The following CECR2 variants were observed in gnomAD, a reference collection of about 807,000 sequenced individuals.
CECR2 encodes the protein chromatin remodeling regulator CECR2.
Under a neutral mutation model 154.5 loss-of-function variants are expected in CECR2, and 30 were observed. That is an observed-to-expected ratio of 0.19 (90% CI 0.15 to 0.26). The LOEUF is 0.26. Among genes scored for constraint, CECR2 ranks in the 10% least tolerant of loss-of-function variants. The pLI is 1.00. For missense variants in CECR2, 1,743 were observed against 1,829.3 expected (o/e 0.95, Z 0.86); for synonymous variants, 725 against 683.7 (o/e 1.06, Z -0.94).
intron 1 of CECR2, among the ~76,000 whole-genome samples, chr22:17,476,934 C>A (rs562031237): frequency 1.6e-4 from 25 of 152,272 alleles, no homozygotes; most frequent in Middle Eastern, 3.4e-3. Context: ...GTTGGAATAC[C>A]GTGTCGAGGC....
intron 2 of CECR2, among the ~76,000 whole-genome samples, chr22:17,482,007 C>T (rs1039125358): frequency 6.8e-6 from 1 of 146,352 alleles, no homozygotes. Flanking sequence ...CCCAGCTACT[C>T]GGGAGACTGA....
rs1035802887 is a variant in CECR2 at position 17,542,344 on chromosome 22, T to G, written c.2201T>G (p.Ile734Ser). The change falls in exon 16 of 19, where the codon ATT becomes AGT. Residue 734 changes from isoleucine (I) to serine (S), a missense_variant. By Grantham distance (142) the Ile-to-Ser change is moderately radical. Transcript: ENST00000262608. ...CCAGCTCAGTTCCAGCCAGGATTCA[T>G]TCCTCCCCGGCATGGGGGGGCTCCA... is the stretch of plus-strand genomic sequence containing the variant. The part of the protein sequence containing the change: ...YAPAQFQPGF[I>S]PPRHGGAPAR... The G allele has an allele frequency of 3.7e-6, 6 of 1,613,708 alleles. No individual in the cohort carries two copies. Among genetic ancestry groups the G allele is most frequent in the Non-Finnish European group, 5.1e-6 (6 of 1,179,740 alleles).
intron 1 of CECR2, among the ~76,000 whole-genome samples, chr22:17,377,604 A>C (rs1478084327): frequency 6.6e-6 from 1 of 152,114 alleles, no homozygotes; most frequent in African/African-American, 2.4e-5. Context: ...TGTCATCAAT[A>C]GCTAGAACTC....
chr22:17,548,203 G>T lies in CECR2; in HGVS notation c.2916G>T (p.Gly972=), dbSNP rs1252717057. 1 of 1,591,054 alleles carries T rather than the reference G, an allele frequency of 6.3e-7. No homozygotes were observed. Among genetic ancestry groups the T allele is most frequent in the Non-Finnish European group, 8.6e-7 (1 of 1,168,818 alleles). Residue 972 remains glycine (G), a synonymous_variant, in exon 17 of 19, where the codon GGG becomes GGT. Coordinates refer to ENST00000262608, the MANE Select transcript of CECR2 (RefSeq NM_001290047.2). ...EKPPGVGTSE[G]VYLTQLPHPT... ...CACCAGGTGTTGGTACTTCAGAGGG[G>T]GTCTACCTCACACAACTACCTCACC... is the stretch of plus-strand genomic sequence containing the variant.
chr22:17,477,453 G>T (rs2055228130), intron 1 of CECR2, 135 bp from the exon 2 acceptor site: 3 of 660,132 alleles, frequency 4.5e-6, no homozygotes, highest in African/African-American at 3.6e-5. Flanking sequence ...AGAAGGAAGG[G>T]CAGAGCTGAT....
chr22:17,397,590 C>T (rs529182943), intron 1 of CECR2, among the ~76,000 whole-genome samples: 9 of 152,038 alleles, frequency 5.9e-5, no homozygotes, highest in Non-Finnish European at 1.2e-4. Flanking sequence ...CTCCGCCTCC[C>T]GGGTTCACCC....
intron 1 of CECR2, among the ~76,000 whole-genome samples, chr22:17,450,737 T>C (rs5747162): frequency 0.3 from 45,291 of 152,174 alleles, 9,600 homozygotes; most frequent in African/African-American, 0.57. Flanking sequence ...AATCCAGTTT[T>C]ATCCATTATC....
At chr22:17,372,798 A>G (rs557171851) in intron 1 of CECR2, among the ~76,000 whole-genome samples, 70 of 152,328 alleles carry the variant, frequency 4.6e-4, no homozygotes, top group African/African-American at 1.4e-3. Context: ...AATAATAGCA[A>G]GTAGTAGAAG....
At chr22:17,441,603 AC>A (rs5844308) in intron 1 of CECR2, among the ~76,000 whole-genome samples, 1 of 151,554 alleles carries the variant, frequency 6.6e-6, no homozygotes, top group Non-Finnish European at 1.5e-5. Context: ...TGTGGACCCC[AC>A]CCCCCGTTAC....
chr22:17,362,493 C>T (rs2062981947), intron 1 of CECR2, among the ~76,000 whole-genome samples: 1 of 152,016 alleles, frequency 6.6e-6, no homozygotes, highest in Non-Finnish European at 1.5e-5. Flanking sequence ...TGTAAATATA[C>T]AATATAGTAT....
chr22:17,481,047 T>A lies in CECR2; in HGVS notation c.221+3365T>A, dbSNP rs1202461224. ...AGAGTGAGACTCCATCTCTTTTTTTTTTAAAAAAAAAAAAGGCCGGGCACG... is the reference window on the plus strand; with the variant it reads ...AGAGTGAGACTCCATCTCTTTTTTTATTAAAAAAAAAAAAGGCCGGGCACG... On this transcript the variant is annotated intron_variant, in intron 2 of 18. Coordinates refer to ENST00000262608, the MANE Select transcript of CECR2 (RefSeq NM_001290047.2). 9.8e-4 allele frequency among the ~76,000 whole-genome samples: 74 copies of A among 75,518 alleles called. 3 individuals are homozygous for A. Among genetic ancestry groups the A allele is most frequent in the Middle Eastern group, 0.023 (2 of 86 alleles). The allele number at this position is 75,518 out of a possible 152,430, so 49.5% of individuals were successfully genotyped here.
At chr22:17,500,208 CAA>C (rs5844315) in intron 4 of CECR2, among the ~76,000 whole-genome samples, 18,991 of 116,130 alleles carry the variant, frequency 0.16, 1,323 homozygotes, top group Non-Finnish European at 0.21. Context: ...GAGACTCCAT[CAA>C]AAAAAAAAAA....
chr22:17,410,887 A>G (rs2054058902), intron 1 of CECR2, among the ~76,000 whole-genome samples: 1 of 152,224 alleles, frequency 6.6e-6, no homozygotes, highest in Non-Finnish European at 1.5e-5. Flanking sequence ...GAGCTACAGA[A>G]GGTAAAAGCT....
intron 1 of CECR2, among the ~76,000 whole-genome samples, chr22:17,402,758 T>C (rs77652373): frequency 0.033 from 3,445 of 103,818 alleles, 137 homozygotes; most frequent in African/African-American, 0.14. Context: ...TTTCTTCTTT[T>C]TTTTTTTTTT....
intron 7 of CECR2, among the ~76,000 whole-genome samples, chr22:17,505,931 AT>A (rs1183126428): frequency 7.1e-6 from 1 of 141,458 alleles, no homozygotes; most frequent in Non-Finnish European, 1.5e-5. Context: ...TGTAGCCTCG[AT>A]TTGCCAGGCT....
intron 3 of CECR2, 136 bp from the exon 4 acceptor site, chr22:17,499,274 C>A: frequency 9.8e-7 from 1 of 1,021,342 alleles, no homozygotes; most frequent in Non-Finnish European, 1.4e-6. Flanking sequence ...CAGGCGTGAG[C>A]CACCACGCCC....
chr22:17,381,796 G>A (rs1293311296), intron 1 of CECR2, among the ~76,000 whole-genome samples: 2 of 152,260 alleles, frequency 1.3e-5, no homozygotes, highest in South Asian at 2.1e-4. Context: ...CAGAGATGGC[G>A]AGTGAAACGC....
chr22:17,392,274 A>C (rs898297992), intron 1 of CECR2, among the ~76,000 whole-genome samples: 4 of 151,970 alleles, frequency 2.6e-5, no homozygotes, highest in Non-Finnish European at 4.4e-5. Context: ...AAAAATTTTT[A>C]ATTGGCCAGG....
chr22:17,542,795 G>A lies in CECR2; in HGVS notation c.2652G>A (p.Glu884=), dbSNP rs754170711. Residue 884 remains glutamate, a synonymous_variant, in exon 16 of 19, where the codon GAG becomes GAA. Transcript: ENST00000262608. ...GGGACTCCATGATGGACAGCCCAGA[G>A]ATGATTGCGATGCAGCAGCTCTCCT... is the stretch of plus-strand genomic sequence containing the variant. The part of the protein sequence containing the change: ...QGGDSMMDSP[E]MIAMQQLSSR... The A allele has an allele frequency of 6.2e-6, 10 of 1,613,974 alleles. No homozygotes were observed. The highest frequency in any genetic ancestry group is 6.8e-6 in the Non-Finnish European group (8 of 1,179,870).
Sources: allele counts gnomAD v4.1 joint callset (sites outside exome capture counted in the v4.1 genomes callset), GRCh38; gene constraint gnomAD v4.1.1; transcripts MANE v1.5; gene names NCBI Gene and HGNC (gene_info 2026-07-23, HGNC 2026-07-21).